SPDYE1: variants seen among roughly 807,000 people sequenced by gnomAD.
SPDYE1 encodes speedy protein E1.
In SPDYE1, 29 loss-of-function variants were observed where a neutral mutation model predicts 45.9. The observed-to-expected ratio is 0.63, with a 90% CI of 0.47 to 0.86. The LOEUF is 0.86. SPDYE1 is among the 40% of genes least tolerant of loss of function. SPDYE1 has a pLI of 0.00. For synonymous variants in SPDYE1, 134 were observed against 176.8 expected, an observed-to-expected ratio of 0.76 and a Z score of 1.92; for missense variants, 346 against 481.4, an observed-to-expected ratio of 0.72 and a Z score of 2.63.
At chr7:43,998,001 T>C (rs1027785906) in intron 1 of SPDYE1, among the ~76,000 whole-genome samples, 42 bp downstream of exon 1, 1 of 152,138 alleles carries the variant, frequency 6.6e-6, no homozygotes, top group Admixed American at 6.6e-5. Context: ...GGCTTGAAGA[T>C]GGGTTAAATC....
chr7:44,002,233 A>G (rs6979665), intron 3 of SPDYE1, among the ~76,000 whole-genome samples: 3 of 148,700 alleles, frequency 2.0e-5, no homozygotes, highest in Non-Finnish European at 4.4e-5. Context: ...ACTGGAACCC[A>G]GGAGGCAGAG....
intron 6 of SPDYE1, among the ~76,000 whole-genome samples, chr7:44,006,260 A>AT: frequency 6.6e-6 from 1 of 151,982 alleles, no homozygotes; most frequent in African/African-American, 2.4e-5. Flanking sequence ...GGAAGGACCC[A>AT]TTCCTTGAAG....
At chr7:44,003,456 A>G (rs1461042865) in intron 4 of SPDYE1, among the ~76,000 whole-genome samples, 2 of 152,242 alleles carry the variant, frequency 1.3e-5, no homozygotes, top group Non-Finnish European at 2.9e-5. Context: ...TCTCTTACTG[A>G]CTTTTCTAAA....
At position 44,008,957 on chromosome 7, in the gene SPDYE1, C is replaced by A. The variant is rs1461142551; in HGVS notation, c.*336C>A. ...CCTTTTTATATTGCTGAATTCCAAC[C>A]TCCCTGGGGCGGAACCTGGAGGTCC... is the stretch of plus-strand genomic sequence containing the variant. On this transcript the variant is annotated 3_prime_UTR_variant, in exon 9 of 9. Transcript: ENST00000693451. The A allele has an allele frequency of 1.2e-5, 6 of 484,902 alleles. No homozygotes were observed. Among genetic ancestry groups the A allele is most frequent in the Non-Finnish European group, 2.0e-5 (5 of 252,812 alleles). 30.0% of individuals were successfully genotyped at this position (484,902 alleles called of 1,614,324 possible). A position where few individuals can be genotyped will look rare whatever the true frequency, so the allele number is the denominator to read the frequency against.
At position 44,002,925 on chromosome 7, in the gene SPDYE1, T is replaced by G; in HGVS notation, c.607+108T>G. Reference sequence around the variant, plus strand: ...GAAAAATAGGCCCCAGTGGGTGAGCTCTCCATGTGGGAGGAATGTGAAGTG... The same window carrying G: ...GAAAAATAGGCCCCAGTGGGTGAGCGCTCCATGTGGGAGGAATGTGAAGTG... On this transcript the variant is annotated intron_variant, in intron 4 of 8. Coordinates refer to ENST00000693451, the MANE Select transcript of SPDYE1 (RefSeq NM_001378423.2). 6 of 635,194 alleles carry G rather than the reference T, an allele frequency of 9.4e-6. No individual in the cohort carries two copies. In the South Asian group the frequency reaches 1.1e-4, roughly 12 times the overall value. 39.3% of individuals were successfully genotyped at this position (635,194 alleles called of 1,614,324 possible).
intron 5 of SPDYE1, chr7:44,004,224 G>T (rs570856144): frequency 2.5e-4 from 115 of 468,104 alleles, no homozygotes; most frequent in African/African-American, 2.3e-3. Context: ...TAGTAGAAAC[G>T]GGGTTTTGCC....
chr7:43,998,094 G>A (rs2096057898), intron 1 of SPDYE1, among the ~76,000 whole-genome samples, 135 bp downstream of exon 1: 1 of 151,204 alleles, frequency 6.6e-6, no homozygotes, highest in South Asian at 2.1e-4. Flanking sequence ...TTAACTAGGA[G>A]AGAGAGAGCA....
rs1321025067 is a variant in SPDYE1, at chr7:44,009,358, A to G, written c.*737A>G. ...TATTATATGTGCTCCTGAAGCGAGC[A>G]CTCTTTTTATCTATGATACTTCCAT... is the stretch of plus-strand genomic sequence containing the variant. On this transcript the variant is annotated 3_prime_UTR_variant, in exon 9 of 9. Coordinates refer to ENST00000693451, the MANE Select transcript of SPDYE1 (RefSeq NM_001378423.2). 6.6e-6 allele frequency: 1 copy of G among 151,084 alleles called. No homozygotes were observed. The highest frequency in any genetic ancestry group is 1.5e-5 in the Non-Finnish European group (1 of 67,988). The allele number at this position is 151,084 out of a possible 1,614,324, so 9.4% of individuals were successfully genotyped here. A position where few individuals can be genotyped will look rare whatever the true frequency, so the allele number is the denominator to read the frequency against.
Position 44,010,098 on chromosome 7 carries a change from A to G in SPDYE1, c.*1477A>G, listed in dbSNP as rs2096076953. The G allele has an allele frequency of 6.6e-6, 1 of 152,248 alleles. No homozygotes were observed. Among genetic ancestry groups the G allele is most frequent in the Non-Finnish European group, 1.5e-5 (1 of 68,050 alleles). 9.4% of individuals were successfully genotyped at this position (152,248 alleles called of 1,614,324 possible). On this transcript the variant is annotated 3_prime_UTR_variant, in exon 9 of 9. Transcript: ENST00000693451. ...TAGAGTGTGTCTCTTGGGGAAACGT[A>G]ATAAAAATGAACTTTTCTCACCTTC...
rs572767882 is a variant in SPDYE1 at position 43,998,986 on chromosome 7, T to C, written c.-422-542T>C. Among the ~76,000 whole-genome samples, 3 of 148,714 alleles carry C rather than the reference T, an allele frequency of 2.0e-5. No individual in the cohort carries two copies. The South Asian group carries it at 6.7e-4, about 33-fold the overall frequency. ...TGAGCCACTGTGCACAGCTGAAATT[T>C]TTCGACTTAGTCTTTTTGTACATGT... is the stretch of plus-strand genomic sequence containing the variant. On this transcript the variant is annotated intron_variant, in intron 1 of 8. Coordinates refer to ENST00000693451, the MANE Select transcript of SPDYE1 (RefSeq NM_001378423.2).
At position 44,007,283 on chromosome 7, in the gene SPDYE1, C is replaced by T; in HGVS notation, c.768C>T (p.Asp256=). Residue 256 remains aspartate, a synonymous_variant, in exon 7 of 9, where the codon GAC becomes GAT. Transcript: ENST00000693451. ...HFFLALYLAN[D]MEEDDEDSKQ... ...CTGTCCTCAGCTACCTGGCCAATGA[C>T]ATGGAGGAGGACGACGAGGACTCCA... 1 of 1,612,736 alleles carries T rather than the reference C, an allele frequency of 6.2e-7. No individual in the cohort carries two copies. Among genetic ancestry groups the T allele is most frequent in the Non-Finnish European group, 8.5e-7 (1 of 1,179,992 alleles).
Position 44,002,717 on chromosome 7 carries a change from C to T in SPDYE1, c.507C>T (p.Ile169=). Residue 169 remains isoleucine, a synonymous_variant, in exon 4 of 9, where the codon ATC becomes ATT. Transcript: ENST00000693451. ...RKVLAPEPEE[I]WVAEMLCGLK... is the part of the protein sequence containing the mutation. ...TGCTCGCCCCTGAGCCTGAGGAGAT[C>T]TGGGTGGCGGAGATGCTGTGTGGCC... 6.3e-7 allele frequency: 1 copy of T among 1,595,180 alleles called. No individual in the cohort carries two copies. The highest frequency in any genetic ancestry group is 8.5e-7 in the Non-Finnish European group (1 of 1,179,266).
At chr7:44,008,041 C>G (rs975418996) in intron 8 of SPDYE1, among the ~76,000 whole-genome samples, 10 of 152,250 alleles carry the variant, frequency 6.6e-5, no homozygotes, top group Admixed American at 2.6e-4. Context: ...CTGCACGGAG[C>G]CCTGATCCTG....
chr7:44,001,908 C>T (rs1450829483), intron 3 of SPDYE1, among the ~76,000 whole-genome samples: 2 of 151,128 alleles, frequency 1.3e-5, no homozygotes, highest in Non-Finnish European at 3.0e-5. Flanking sequence ...CCACTGCATT[C>T]CATTCTGGGT....
intron 6 of SPDYE1, 31 bp downstream of exon 6, chr7:44,005,258 T>C (rs965619829): frequency 1.9e-6 from 3 of 1,610,634 alleles, no homozygotes. Flanking sequence ...TATCCGTCAA[T>C]ATCCAATGCC....
intron 3 of SPDYE1, among the ~76,000 whole-genome samples, chr7:44,001,801 T>C (rs1192263161): frequency 6.6e-6 from 1 of 151,778 alleles, no homozygotes; most frequent in African/African-American, 2.4e-5. Flanking sequence ...GATACAAAAA[T>C]TAGCCAGGCA....
At chr7:43,998,788 CAT>C (rs772576498) in intron 1 of SPDYE1, among the ~76,000 whole-genome samples, 1 of 136,536 alleles carries the variant, frequency 7.3e-6, no homozygotes, top group Admixed American at 7.6e-5. Flanking sequence ...CTTCCTGTCA[CAT>C]GAGTCTCCCA....
intron 5 of SPDYE1, 146 bp from the exon 6 acceptor site, chr7:44,004,996 G>T: frequency 1.0e-6 from 1 of 998,186 alleles, no homozygotes; most frequent in Admixed American, 1.8e-5. Context: ...CCTCCATCCC[G>T]CAATTTCCAA....
chr7:44,000,988 G>A (rs1360117308), intron 2 of SPDYE1, 78 bp from the exon 3 acceptor site: 1 of 1,596,846 alleles, frequency 6.3e-7, no homozygotes, highest in Non-Finnish European at 8.5e-7. Flanking sequence ...AGGATGGAGA[G>A]TGGTTTGGGG....
Sources: gnomAD v4.1 joint callset for allele counts (sites outside exome capture counted in the v4.1 genomes callset) on GRCh38, gnomAD v4.1.1 for gene constraint, MANE v1.5 for transcripts, NCBI Gene and HGNC (gene_info 2026-07-23, HGNC 2026-07-21) for gene names.